MYO6: variants seen among roughly 807,000 people sequenced by gnomAD.
The protein encoded by MYO6 is myosin VI.
Under a neutral mutation model 178.7 loss-of-function variants are expected in MYO6, and 74 were observed. The ratio of observed to expected loss-of-function variants is 0.41; its 90% CI spans 0.34 to 0.50. The LOEUF is 0.50. Among genes scored for constraint, MYO6 ranks in the 20% least tolerant of loss-of-function variants. The pLI is 0.09. For synonymous variants in MYO6, 477 were observed against 504.6 expected, an observed-to-expected ratio of 0.95 and a Z score of 0.73; for missense variants, 1,330 against 1,547.4, an observed-to-expected ratio of 0.86 and a Z score of 2.36.
At chr6:75,904,363 A>G (rs540683768) in intron 30 of MYO6, among the ~76,000 whole-genome samples, 2,439 of 151,758 alleles carry the variant, frequency 0.016, 72 homozygotes, top group African/African-American at 0.056. Context: ...TTTCAGGTAC[A>G]CCAGTCAGAC....
rs1781308562 is a variant in MYO6, at chr6:75,919,335, C to G, written c.*4323C>G. The stretch of plus-strand genomic sequence containing the variant: ...CTCTTTATGTCCATATCTACACATT[C>G]AATCCTAATTTGTACCAAGTAGCAT... On this transcript the variant is annotated 3_prime_UTR_variant, in exon 35 of 35. Transcript: ENST00000369977. 1.3e-5 allele frequency: 2 copies of G among 152,348 alleles called. No homozygotes were observed. The highest frequency in any genetic ancestry group is 2.9e-5 in the Non-Finnish European group (2 of 68,026). The allele number at this position is 152,348 out of a possible 1,614,324, so 9.4% of individuals were successfully genotyped here.
At chr6:75,796,528 A>G (rs1456746420) in intron 1 of MYO6, among the ~76,000 whole-genome samples, 1 of 151,870 alleles carries the variant, frequency 6.6e-6, no homozygotes, top group Non-Finnish European at 1.5e-5. Flanking sequence ...AGATGATTTC[A>G]TCACTCAGGT....
At chr6:75,811,223 C>A (rs75308888) in intron 1 of MYO6, among the ~76,000 whole-genome samples, 1,910 of 152,142 alleles carry the variant, frequency 0.013, 39 homozygotes, top group African/African-American at 0.044. Flanking sequence ...TTTTAGATTT[C>A]TTTTCACCCT....
chr6:75,814,000 C>T (rs1372340660), intron 1 of MYO6, among the ~76,000 whole-genome samples: 1 of 152,100 alleles, frequency 6.6e-6, no homozygotes, highest in Admixed American at 6.5e-5. Flanking sequence ...CACTCCTGGC[C>T]GCCCAGCTGG....
intron 11 of MYO6, among the ~76,000 whole-genome samples, chr6:75,851,054 G>A (rs1775219919): frequency 6.6e-6 from 1 of 151,948 alleles, no homozygotes; most frequent in Non-Finnish European, 1.5e-5. Context: ...GAGCATATGT[G>A]GGAGATTCTA....
intron 1 of MYO6, among the ~76,000 whole-genome samples, chr6:75,800,990 G>A (rs1394291904): frequency 6.6e-6 from 1 of 152,140 alleles, no homozygotes; most frequent in Non-Finnish European, 1.5e-5. Context: ...TGAAGTGCTG[G>A]CATTACAGGT....
At chr6:75,849,185 C>T (rs1325541803) in intron 11 of MYO6, among the ~76,000 whole-genome samples, 1 of 152,140 alleles carries the variant, frequency 6.6e-6, no homozygotes, top group Non-Finnish European at 1.5e-5. Flanking sequence ...TTTATTGGAA[C>T]AATGCCACAC....
chr6:75,762,584 C>T (rs969413549), intron 1 of MYO6, among the ~76,000 whole-genome samples: 8 of 152,272 alleles, frequency 5.3e-5, no homozygotes, highest in South Asian at 2.1e-4. Flanking sequence ...TGGTGACATT[C>T]GTGCATCTAT....
At chr6:75,832,091 C>T (rs1773155529) in intron 5 of MYO6, among the ~76,000 whole-genome samples, 1 of 152,130 alleles carries the variant, frequency 6.6e-6, no homozygotes, top group East Asian at 1.9e-4. Context: ...TAATTTGAGA[C>T]TGCTTTAACA....
Position 75,858,899 on chromosome 6 carries a change from C to T in MYO6, c.1382-3C>T. On this transcript the variant is annotated splice_region_variant and splice_polypyrimidine_tract_variant and intron_variant, in intron 13 of 34. Coordinates refer to ENST00000369977, the MANE Select transcript of MYO6 (RefSeq NM_004999.4). ...ACTCTTGGTTCTGGTTTTATATTTT[C>T]AGAGTACTTTGAGCATAACAGTTTT... 2.5e-6 allele frequency: 4 copies of T among 1,582,700 alleles called. No homozygotes were observed. The highest frequency in any genetic ancestry group is 3.5e-6 in the Non-Finnish European group (4 of 1,153,486).
At chr6:75,813,190 C>T (rs919690910) in intron 1 of MYO6, among the ~76,000 whole-genome samples, 9 of 152,148 alleles carry the variant, frequency 5.9e-5, no homozygotes, top group Non-Finnish European at 1.0e-4. Context: ...GAATCAAGAA[C>T]CTTAGAAATC....
chr6:75,902,860 T>C (rs1779928197), intron 30 of MYO6, among the ~76,000 whole-genome samples: 1 of 151,848 alleles, frequency 6.6e-6, no homozygotes, highest in South Asian at 2.1e-4. Flanking sequence ...CTTGTGGGCA[T>C]TTAGTGCTAT....
intron 1 of MYO6, among the ~76,000 whole-genome samples, chr6:75,780,314 C>T (rs567092313): frequency 1.8e-4 from 27 of 152,210 alleles, no homozygotes; most frequent in African/African-American, 4.8e-4. Flanking sequence ...TGGTGGTGCA[C>T]ACCTGTAATC....
At position 75,858,704 on chromosome 6, in the gene MYO6, G is replaced by A. The variant is rs183949372; in HGVS notation, c.1382-198G>A. 3.3e-5 allele frequency among the ~76,000 whole-genome samples: 5 copies of A among 151,992 alleles called. No individual in the cohort carries two copies. In the East Asian group the frequency reaches 7.7e-4, roughly 24 times the overall value. The stretch of plus-strand genomic sequence containing the variant: ...ACACCTTATTTGTCAACTGAAGCAG[G>A]GTATTTTTAATACTTTTAATGCCTA... On this transcript the variant is annotated intron_variant, in intron 13 of 34. Coordinates refer to ENST00000369977, the MANE Select transcript of MYO6 (RefSeq NM_004999.4).
chr6:75,770,440 G>A (rs926727379), intron 1 of MYO6, among the ~76,000 whole-genome samples: 3 of 152,164 alleles, frequency 2.0e-5, no homozygotes, highest in Admixed American at 1.3e-4. Flanking sequence ...TTGTTGCTCT[G>A]TATGTGGTAT....
intron 11 of MYO6, among the ~76,000 whole-genome samples, chr6:75,854,299 TTTTTTTTTG>T (rs1775551018): frequency 7.0e-6 from 1 of 142,714 alleles, no homozygotes; most frequent in African/African-American, 2.6e-5. Flanking sequence ...TTTTTTTTTT[TTTTTTTTTG>T]CTATTCTCTG....
chr6:75,899,020 T>G (rs1779524424), intron 30 of MYO6, among the ~76,000 whole-genome samples: 1 of 152,232 alleles, frequency 6.6e-6, no homozygotes, highest in Non-Finnish European at 1.5e-5. Context: ...TACTATTGTA[T>G]TCTTTACATG....
intron 1 of MYO6, among the ~76,000 whole-genome samples, chr6:75,814,907 C>T (rs1269182254): frequency 2.0e-5 from 3 of 151,892 alleles, no homozygotes; most frequent in African/African-American, 7.3e-5. Context: ...TAAGTCTACA[C>T]CTGCTTTTAC....
chr6:75,794,115 T>C (rs1036829388), intron 1 of MYO6, among the ~76,000 whole-genome samples: 2 of 152,054 alleles, frequency 1.3e-5, no homozygotes, highest in South Asian at 2.1e-4. Context: ...TGGAGGACAT[T>C]CCCAAGACGG....
Sources: gnomAD v4.1 joint callset for allele counts (sites outside exome capture counted in the v4.1 genomes callset) on GRCh38, gnomAD v4.1.1 for gene constraint, MANE v1.5 for transcripts, NCBI Gene and HGNC (gene_info 2026-07-23, HGNC 2026-07-21) for gene names.